The following EIF4G3 variants were observed in gnomAD, a reference collection of about 807,000 sequenced individuals.
EIF4G3 encodes eIF-4-gamma 3.
EIF4G3 carries 34 observed loss-of-function variants against 186.4 expected under a neutral mutation model. The observed-to-expected ratio is 0.18, with a 90% CI of 0.14 to 0.24. The LOEUF (loss-of-function observed/expected upper bound fraction) is 0.24. Ranked by LOEUF, EIF4G3 falls within the 10% of genes least tolerant of loss-of-function variation. The probability of loss-of-function intolerance (pLI) is 1.00; values close to 1 mark genes in which losing one functional copy is unlikely to be tolerated. For missense variants in EIF4G3, 1,536 were observed against 1,948.5 expected (o/e 0.79, Z 3.99); for synonymous variants, 673 against 679.5 (o/e 0.99, Z 0.15).
chr1:20,853,596 G>A lies in EIF4G3; in HGVS notation c.3515C>T (p.Thr1172Met), dbSNP rs756948454. ...PPAPSGSTPS[T>M]PVEFDSRRTL... ...CCTTCGGGAATCAAACTCTACAGGC[G>A]TGGATGGCGTGGACCCTGAGGGTGC... The change falls in exon 27 of 37, where the codon ACG becomes ATG. Residue 1172 changes from threonine to methionine, a missense_variant. Thr to Met is a moderately conservative substitution (Grantham distance 81). This residue lies in a region of EIF4G3 where 395 missense variants were observed against 498.9 expected (regional missense o/e 0.79). Transcript: ENST00000602326. The A allele has an allele frequency of 7.5e-5, 121 of 1,613,786 alleles. No homozygotes were observed. The highest frequency in any genetic ancestry group is 6.7e-4 in the Admixed American group (40 of 59,982).
At chr1:20,870,382 G>C (rs1170263042) in intron 20 of EIF4G3, among the ~76,000 whole-genome samples, 1 of 152,092 alleles carries the variant, frequency 6.6e-6, no homozygotes, top group Non-Finnish European at 1.5e-5. Flanking sequence ...GCTGAGGTAT[G>C]TATGTCTCCC....
In EIF4G3 at chr1:20,895,475, C is replaced by T; in HGVS notation, c.2026G>A (p.Gly676Ser). Residue 676 changes from glycine to serine, a missense_variant, in exon 17 of 37, where the codon GGT (glycine) becomes AGT (serine). Gly to Ser is a moderately conservative substitution (Grantham distance 56, BLOSUM62 0). This residue lies in a region of EIF4G3 where 560 missense variants were observed against 547.8 expected (regional missense o/e 1.02). Transcript: ENST00000602326. The part of the protein sequence containing the change: ...PESWKPTDTE[G>S]KKQYDREFLL... ...AACTCCCTGTCATACTGCTTCTTAC[C>T]TTCAGTATCAGTAGGCTTCCAGGAT... 6.2e-7 allele frequency: 1 copy of T among 1,613,994 alleles called. No individual in the cohort carries two copies. Among genetic ancestry groups the T allele is most frequent in the South Asian group, 1.1e-5 (1 of 91,058 alleles).
At chr1:20,908,040 T>A (rs1279120620) in intron 14 of EIF4G3, among the ~76,000 whole-genome samples, 1 of 152,034 alleles carries the variant, frequency 6.6e-6, no homozygotes, top group African/African-American at 2.4e-5. Context: ...TTTCTCCACA[T>A]CCTCTCCAGC....
At chr1:21,079,716 T>C (rs1271686909) in intron 3 of EIF4G3, among the ~76,000 whole-genome samples, 1 of 151,592 alleles carries the variant, frequency 6.6e-6, no homozygotes, top group Non-Finnish European at 1.5e-5. Flanking sequence ...CATGAAATTT[T>C]ATGGCATAGC....
chr1:21,163,629 T>C (rs2097800644), intron 2 of EIF4G3, among the ~76,000 whole-genome samples: 1 of 152,242 alleles, frequency 6.6e-6, no homozygotes. Context: ...GTGGAAAGTC[T>C]TTATCCAAAA....
chr1:20,961,035 T>C (rs1477715132), intron 12 of EIF4G3, among the ~76,000 whole-genome samples: 3 of 152,214 alleles, frequency 2.0e-5, no homozygotes, highest in Non-Finnish European at 4.4e-5. Flanking sequence ...TGTTTTTTAT[T>C]CTGTCAGATA....
intron 30 of EIF4G3, among the ~76,000 whole-genome samples, chr1:20,832,825 A>C: frequency 2.0e-5 from 1 of 50,694 alleles, no homozygotes; most frequent in African/African-American, 7.5e-5. Flanking sequence ...AGCTTTCTAC[A>C]TATGGCTAGC....
chr1:20,943,515 A>G (rs760181234), intron 13 of EIF4G3, among the ~76,000 whole-genome samples: 3 of 152,242 alleles, frequency 2.0e-5, no homozygotes, highest in Admixed American at 6.5e-5. Context: ...GGAGATTTAG[A>G]CTGGCTTCCA....
At chr1:21,117,712 G>A (rs894372252) in intron 2 of EIF4G3, among the ~76,000 whole-genome samples, 1 of 115,052 alleles carries the variant, frequency 8.7e-6, no homozygotes, top group Non-Finnish European at 1.8e-5. Flanking sequence ...TCAATGGAAG[G>A]CCTTTCACTG....
At chr1:21,097,102 C>A (rs566203248) in intron 2 of EIF4G3, among the ~76,000 whole-genome samples, 3 of 152,204 alleles carry the variant, frequency 2.0e-5, no homozygotes, top group Non-Finnish European at 4.4e-5. Flanking sequence ...GATAAAAGAA[C>A]CATGACTATG....
Position 21,012,447 on chromosome 1 carries a change from C to T in EIF4G3, c.-66-9639G>A, listed in dbSNP as rs117170287. 1.8e-4 allele frequency among the ~76,000 whole-genome samples: 27 copies of T among 152,168 alleles called. No individual in the cohort carries two copies. The East Asian group carries it at 5.0e-3, about 28-fold the overall frequency. On this transcript the variant is annotated intron_variant, in intron 4 of 36. Transcript: ENST00000602326. ...GCTTCATAAAGCAGGACACTTTTTG[C>T]TTCAAAAACATGTGTATCTGCTTCA...
chr1:21,110,340 G>C (rs1281562314), intron 2 of EIF4G3, among the ~76,000 whole-genome samples: 1 of 151,450 alleles, frequency 6.6e-6, no homozygotes, highest in East Asian at 1.9e-4. Flanking sequence ...CTGTTGCCTA[G>C]GCTGGAGTGC....
chr1:20,808,040 C>G (rs931841654), intron 36 of EIF4G3, among the ~76,000 whole-genome samples: 3 of 151,956 alleles, frequency 2.0e-5, no homozygotes, highest in Non-Finnish European at 4.4e-5. Context: ...CCGGCCACCA[C>G]AGTCAGCTAA....
chr1:20,850,125 T>C (rs942504426), intron 28 of EIF4G3, among the ~76,000 whole-genome samples: 1 of 152,206 alleles, frequency 6.6e-6, no homozygotes, highest in African/African-American at 2.4e-5. Flanking sequence ...TCATAGCACC[T>C]TTCTCAGTTT....
intron 14 of EIF4G3, among the ~76,000 whole-genome samples, chr1:20,906,287 C>T (rs2092068243): frequency 6.6e-6 from 1 of 152,276 alleles, no homozygotes; most frequent in African/African-American, 2.4e-5. Flanking sequence ...GCAGTTGTCT[C>T]TTTGCATTTT....
Position 21,137,815 on chromosome 1 carries a change from C to CAA in EIF4G3, c.-272+38358_-272+38359dup, listed in dbSNP as rs201685410. 2.7e-3 allele frequency among the ~76,000 whole-genome samples: 282 copies of CAA among 103,110 alleles called. 2 individuals are homozygous for CAA. The highest frequency in any genetic ancestry group is 7.8e-3 in the African/African-American group (196 of 25,212). 67.6% of individuals were successfully genotyped at this position (103,110 alleles called of 152,430 possible). ...GCCTAAGCAACAGAAGACCCTGTCT[C>CAA]AAAAAAAAAAAAAAAAAGATTGTTA... On this transcript the variant is annotated intron_variant, in intron 2 of 36. Transcript: ENST00000602326.
intron 14 of EIF4G3, among the ~76,000 whole-genome samples, chr1:20,934,399 T>G (rs530044212): frequency 6.6e-6 from 1 of 151,602 alleles, no homozygotes; most frequent in Non-Finnish European, 1.5e-5. Context: ...AGACAGACAA[T>G]AAGAAGGTGG....
chr1:20,939,847 G>GTTTTTTT (rs538504683), intron 14 of EIF4G3, among the ~76,000 whole-genome samples: 42 of 89,944 alleles, frequency 4.7e-4, no homozygotes, highest in East Asian at 8.0e-4. Flanking sequence ...AAGTTGTTTA[G>GTTTTTTT]TTTTTTTTTT....
intron 12 of EIF4G3, 66 bp downstream of exon 12, chr1:20,969,408 G>A: frequency 6.4e-7 from 1 of 1,572,274 alleles, no homozygotes; most frequent in Admixed American, 1.8e-5. Context: ...GGCTATAGAA[G>A]AAAGAAGAGT....
Sources: allele counts gnomAD v4.1 joint callset (sites outside exome capture counted in the v4.1 genomes callset), GRCh38; gene constraint gnomAD v4.1.1; regional missense constraint gnomAD v4.1.1; transcripts MANE v1.5; gene names NCBI Gene and HGNC (gene_info 2026-07-23, HGNC 2026-07-21).